BEAN1: variants seen among roughly 807,000 people sequenced by gnomAD.
BEAN1 encodes the protein protein BEAN1.
In BEAN1, 17 loss-of-function variants were observed where a neutral mutation model predicts 17.7. The observed-to-expected ratio is 0.96, with a 90% CI of 0.66 to 1.44. The LOEUF (loss-of-function observed/expected upper bound fraction) is 1.44. BEAN1 is among the 40% of genes most tolerant of loss of function. The probability of loss-of-function intolerance (pLI) is 0.00; values close to 1 mark genes in which losing one functional copy is unlikely to be tolerated. For synonymous variants in BEAN1, 142 were observed against 151.8 expected, an observed-to-expected ratio of 0.94 and a Z score of 0.47; for missense variants, 359 against 374.1, an observed-to-expected ratio of 0.96 and a Z score of 0.33.
At chr16:66,487,286 A>G (rs956164562), downstream of BEAN1, among the ~76,000 whole-genome samples, 2 of 152,150 alleles carry the variant, frequency 1.3e-5, no homozygotes, top group African/African-American at 2.4e-5. Context: ...CCCTAGGACA[A>G]TCGCACCATG....
intron 4 of BEAN1, among the ~76,000 whole-genome samples, chr16:66,489,375 AC>A (rs1438089025): frequency 2.6e-5 from 4 of 151,946 alleles, no homozygotes; most frequent in Admixed American, 2.6e-4. Context: ...GGCCTCTCCA[AC>A]CCTCTTTGAC....
intron 1 of BEAN1, among the ~76,000 whole-genome samples, chr16:66,428,791 G>C (rs1431232325): frequency 6.6e-6 from 1 of 152,160 alleles, no homozygotes; most frequent in African/African-American, 2.4e-5. Flanking sequence ...AATCTGAAGT[G>C]GTGCTCCCAG....
At chr16:66,477,126 C>T (rs72788598) in intron 3 of BEAN1, among the ~76,000 whole-genome samples, 1,763 of 152,292 alleles carry the variant, frequency 0.012, 17 homozygotes, top group Non-Finnish European at 0.019. Context: ...CAGTTCCCTC[C>T]TCCCGGCCTT....
At chr16:66,462,381 C>G (rs1372090501) in intron 2 of BEAN1, among the ~76,000 whole-genome samples, 1 of 152,244 alleles carries the variant, frequency 6.6e-6, no homozygotes, top group Non-Finnish European at 1.5e-5. Context: ...GAATTCTAGA[C>G]TAATGAAGAG....
intron 2 of BEAN1, among the ~76,000 whole-genome samples, chr16:66,468,063 T>TG (rs1377086377): frequency 6.6e-6 from 1 of 152,160 alleles, no homozygotes; most frequent in Non-Finnish European, 1.5e-5. Context: ...GGCCCTCACC[T>TG]GGGAAAAAAG....
At chr16:66,495,116 G>A (rs113873799), downstream of BEAN1, among the ~76,000 whole-genome samples, 5 of 152,152 alleles carry the variant, frequency 3.3e-5, no homozygotes, top group Non-Finnish European at 7.4e-5. Context: ...AAGACCAAGG[G>A]GGGGCCTCAG....
intron 1 of BEAN1, among the ~76,000 whole-genome samples, chr16:66,436,266 CTTTT>C (rs560577711): frequency 8.3e-6 from 1 of 120,638 alleles, no homozygotes; most frequent in Non-Finnish European, 1.7e-5. Context: ...TTTTTCTTTT[CTTTT>C]TTTTTTTTTT....
chr16:66,429,659 G>GCCT (rs201889052), intron 1 of BEAN1, among the ~76,000 whole-genome samples: 175 of 152,244 alleles, frequency 1.1e-3, no homozygotes, highest in African/African-American at 3.9e-3. Context: ...GCCACCTGGG[G>GCCT]CCTCCTACAC....
In BEAN1 at chr16:66,473,441, T is replaced by G. The variant is rs1384199415; in HGVS notation, c.289+3576T>G. On this transcript the variant is annotated intron_variant, in intron 3 of 4. Coordinates refer to ENST00000536005, the MANE Select transcript of BEAN1 (RefSeq NM_001178020.3). The surrounding 1 kb of genome is among the most constrained non-coding windows in gnomAD (Gnocchi z 4.5). ...CCCAGAGGTGCTGTTGCCCCATATC[T>G]TCCCCCAGCCTTCTGGAGGATGCGC... Among the ~76,000 whole-genome samples the G allele has an allele frequency of 6.6e-6, 1 of 152,138 alleles. No individual in the cohort carries two copies. Among genetic ancestry groups the G allele is most frequent in the Non-Finnish European group, 1.5e-5 (1 of 68,014 alleles).
At chr16:66,489,706 G>C (rs180776084) in intron 4 of BEAN1, among the ~76,000 whole-genome samples, 1 of 152,162 alleles carries the variant, frequency 6.6e-6, no homozygotes, top group Non-Finnish European at 1.5e-5. Context: ...AGGTTGCAAC[G>C]GGCAGCACAG....
intron 4 of BEAN1, among the ~76,000 whole-genome samples, chr16:66,489,498 C>T (rs996305175): frequency 2.6e-5 from 4 of 152,138 alleles, no homozygotes; most frequent in Middle Eastern, 3.2e-3. Context: ...GGGGTGGCCA[C>T]GTTTGACCCT....
intron 2 of BEAN1, among the ~76,000 whole-genome samples, chr16:66,438,694 C>T (rs777687002): frequency 1.2e-4 from 19 of 152,130 alleles, no homozygotes; most frequent in Non-Finnish European, 2.1e-4. Flanking sequence ...GCAGCCCCCT[C>T]GACTTCTCCC....
intron 1 of BEAN1, among the ~76,000 whole-genome samples, chr16:66,436,824 C>T (rs1350297952): frequency 6.6e-6 from 1 of 152,150 alleles, no homozygotes; most frequent in African/African-American, 2.4e-5. Context: ...TAGACATCCA[C>T]TTGTTCATCA....
At chr16:66,479,496 T>G (rs1597048660) in intron 4 of BEAN1, among the ~76,000 whole-genome samples, 2 of 144,256 alleles carry the variant, frequency 1.4e-5, no homozygotes, top group African/African-American at 2.6e-5. Context: ...TGGAGAGGGG[T>G]GGGGAAGGTG....
rs141352230 is a variant in BEAN1, at chr16:66,430,397, C to T, written c.-83+2966C>T. ...TTGATGAGAACACTGAGGCTTGAAACGTTTAAGGACTATCTAATTCTGCCA... is the reference window on the plus strand; with the variant it reads ...TTGATGAGAACACTGAGGCTTGAAATGTTTAAGGACTATCTAATTCTGCCA... On this transcript the variant is annotated intron_variant, in intron 1 of 4. Coordinates refer to ENST00000536005, the MANE Select transcript of BEAN1 (RefSeq NM_001178020.3). Among the ~76,000 whole-genome samples, 55 of 152,310 alleles carry T rather than the reference C, an allele frequency of 3.6e-4. No individual in the cohort carries two copies. In the East Asian group the frequency reaches 7.9e-3, roughly 22 times the overall value.
intron 1 of BEAN1, among the ~76,000 whole-genome samples, chr16:66,436,470 G>A (rs568406338): frequency 2.0e-5 from 3 of 151,026 alleles, no homozygotes; most frequent in Admixed American, 2.0e-4. Context: ...AGTAGAGACG[G>A]GGTTTCACCG....
At chr16:66,444,217 C>T (rs1962360217) in intron 2 of BEAN1, among the ~76,000 whole-genome samples, 1 of 152,206 alleles carries the variant, frequency 6.6e-6, no homozygotes, top group Non-Finnish European at 1.5e-5. Flanking sequence ...CAAGGAAGGG[C>T]TTCCTGAGCT....
At chr16:66,491,704 A>G (rs1964177969) in intron 4 of BEAN1, among the ~76,000 whole-genome samples, 1 of 152,184 alleles carries the variant, frequency 6.6e-6, no homozygotes. Context: ...CAGACCATCA[A>G]GCATTAGATT....
chr16:66,493,041 G>A, exon 5 of BEAN1: 2 of 702,994 alleles, frequency 2.8e-6, no homozygotes, highest in Non-Finnish European at 5.2e-6. Flanking sequence ...GGCAGGCTGG[G>A]CTACACGGCC....
Sources: gnomAD v4.1 joint callset for allele counts (sites outside exome capture counted in the v4.1 genomes callset) on GRCh38, gnomAD v4.1.1 for gene constraint, Gnocchi (gnomAD v3.1) non-coding constraint, MANE v1.5 for transcripts, NCBI Gene and HGNC (gene_info 2026-07-23, HGNC 2026-07-21) for gene names.